EPM2A: variants seen among roughly 807,000 people sequenced by gnomAD.
The protein encoded by EPM2A is laforin.
In EPM2A, 21 loss-of-function variants were observed where a neutral mutation model predicts 26.5. The ratio of observed to expected loss-of-function variants is 0.79; its 90% CI spans 0.56 to 1.14. The LOEUF (loss-of-function observed/expected upper bound fraction) is 1.14, where lower values mean the gene tolerates loss of function less well. Ranked by LOEUF, EPM2A falls within the 50% of genes most tolerant of loss-of-function variation. The pLI is 0.00. For missense variants in EPM2A, 458 were observed against 440.8 expected, an observed-to-expected ratio of 1.04 and a Z score of -0.35; for synonymous variants, 217 against 177.6, an observed-to-expected ratio of 1.22 and a Z score of -1.76.
intron 4 of EPM2A, among the ~76,000 whole-genome samples, chr6:145,432,905 T>C (rs1044360165): frequency 7.2e-5 from 11 of 152,232 alleles, no homozygotes; most frequent in Non-Finnish European, 1.5e-4. Flanking sequence ...TGTACTTTCA[T>C]GTTACAGTGA....
intron 2 of EPM2A, among the ~76,000 whole-genome samples, chr6:145,550,296 AAC>A (rs887786155): frequency 2.6e-5 from 4 of 152,074 alleles, no homozygotes; most frequent in African/African-American, 9.7e-5. Context: ...ACGAGAGGGC[AAC>A]ACAACATCCC....
chr6:145,635,762 T>A (rs764195903), intron 2 of EPM2A: 76 of 408,276 alleles, frequency 1.9e-4, no homozygotes, highest in South Asian at 6.9e-4. Flanking sequence ...TCTACCAAGT[T>A]GTACTTATTC....
chr6:145,393,632 A>G (rs988173235), intron 4 of EPM2A, among the ~76,000 whole-genome samples: 3 of 152,030 alleles, frequency 2.0e-5, no homozygotes, highest in Non-Finnish European at 4.4e-5. Context: ...TCAAATAGAT[A>G]CTGGGGCCAC....
intron 2 of EPM2A, among the ~76,000 whole-genome samples, chr6:145,608,600 A>C (rs1281721466): frequency 1.5e-5 from 2 of 130,734 alleles, no homozygotes; most frequent in Admixed American, 1.5e-4. Flanking sequence ...GTGGTACTAA[A>C]GAAAAAAAAA....
intron 1 of EPM2A, among the ~76,000 whole-genome samples, chr6:145,728,935 C>T (rs1192043355): frequency 6.6e-6 from 1 of 152,178 alleles, no homozygotes; most frequent in Non-Finnish European, 1.5e-5. Context: ...GGCCTCACTA[C>T]CCTGTACAAC....
chr6:145,550,647 C>A, intron 2 of EPM2A, among the ~76,000 whole-genome samples: 1 of 152,014 alleles, frequency 6.6e-6, no homozygotes, highest in Non-Finnish European at 1.5e-5. Context: ...TTCTGCTATG[C>A]TGCTCCTGAA....
Position 145,665,919 on chromosome 6 carries a change from T to G in EPM2A, c.476+20203A>C, listed in dbSNP as rs372735526. Among the ~76,000 whole-genome samples the G allele has an allele frequency of 1.6e-3, 235 of 150,416 alleles. 1 individual carries two copies. The East Asian group carries it at 0.035, about 23-fold the overall frequency. ...ACAAAGCCAAAGACAAAAACCACAT[T>G]ATTATCTCAATAGATGCAGAAAAAG... On this transcript the variant is annotated intron_variant, in intron 2 of 3. Coordinates refer to ENST00000367519, the MANE Select transcript of EPM2A (RefSeq NM_005670.4).
chr6:145,603,834 A>G (rs1562399532), intron 2 of EPM2A, among the ~76,000 whole-genome samples: 1 of 152,174 alleles, frequency 6.6e-6, no homozygotes, highest in Non-Finnish European at 1.5e-5. Context: ...TCTGCCATGA[A>G]TCCCAAATGG....
chr6:145,445,849 T>C (rs1779121916), intron 4 of EPM2A, among the ~76,000 whole-genome samples: 2 of 152,328 alleles, frequency 1.3e-5, no homozygotes, highest in South Asian at 2.1e-4. Flanking sequence ...TATGTCTTCT[T>C]CCCTTCAATC....
At chr6:145,664,557 A>C (rs1481323454) in intron 2 of EPM2A, among the ~76,000 whole-genome samples, 1 of 148,514 alleles carries the variant, frequency 6.7e-6, no homozygotes, top group Non-Finnish European at 1.5e-5. Flanking sequence ...CCCACACATT[A>C]ATAATGGGAG....
intron 2 of EPM2A, among the ~76,000 whole-genome samples, chr6:145,531,176 G>A (rs1052142910): frequency 2.0e-5 from 3 of 152,202 alleles, no homozygotes; most frequent in Non-Finnish European, 4.4e-5. Flanking sequence ...CTGGCTGAAA[G>A]CAGCCTAATT....
At chr6:145,472,106 G>A (rs1422911716) in intron 4 of EPM2A, among the ~76,000 whole-genome samples, 1 of 151,452 alleles carries the variant, frequency 6.6e-6, no homozygotes, top group African/African-American at 2.4e-5. Context: ...TCAGAGTCAT[G>A]AGGCCCCCAT....
Position 145,626,779 on chromosome 6 carries a change from A to T in EPM2A, c.*637T>A. 1.0e-6 allele frequency: 1 copy of T among 980,746 alleles called. No individual in the cohort carries two copies. Among genetic ancestry groups the T allele is most frequent in the Non-Finnish European group, 1.2e-6 (1 of 830,268 alleles). 60.8% of individuals were successfully genotyped at this position (980,746 alleles called of 1,614,324 possible). A position where few individuals can be genotyped will look rare whatever the true frequency, so the allele number is the denominator to read the frequency against. ...GCTTTGTTTGGTAATTTTGAGGAAA[A>T]ACAACAACAAATGAGAGATAATTCT... On this transcript the variant is annotated 3_prime_UTR_variant, in exon 4 of 4. Coordinates refer to ENST00000367519, the MANE Select transcript of EPM2A (RefSeq NM_005670.4).
chr6:145,656,269 G>A (rs2128582963), intron 2 of EPM2A, among the ~76,000 whole-genome samples: 1 of 152,278 alleles, frequency 6.6e-6, no homozygotes, highest in Non-Finnish European at 1.5e-5. Context: ...AGAAGTCACA[G>A]GAAATACTGG....
rs1433126549 is a variant in EPM2A, at chr6:145,625,803, C to A, written c.*1613G>T. 5 of 1,525,144 alleles carry A rather than the reference C, an allele frequency of 3.3e-6. No homozygotes were observed. Among genetic ancestry groups the A allele is most frequent in the East Asian group, 2.3e-5 (1 of 42,712 alleles). 94.5% of individuals were successfully genotyped at this position (1,525,144 alleles called of 1,614,324 possible). A position where few individuals can be genotyped will look rare whatever the true frequency, so the allele number is the denominator to read the frequency against. ...TCCTCTGAGCTCCACTGAAACTTAC[C>A]TTGTATCCTTCTTGTCCCCCACGCC... is the stretch of plus-strand genomic sequence containing the variant. On this transcript the variant is annotated 3_prime_UTR_variant, in exon 4 of 4. Transcript: ENST00000367519.
chr6:145,484,958 T>C (rs141235728), intron 4 of EPM2A, among the ~76,000 whole-genome samples: 92 of 148,460 alleles, frequency 6.2e-4, no homozygotes, highest in African/African-American at 2.1e-3. Flanking sequence ...TATTTTGGTA[T>C]TCAGGTATAG....
At chr6:145,450,989 G>A (rs1208592921) in intron 4 of EPM2A, among the ~76,000 whole-genome samples, 1 of 151,916 alleles carries the variant, frequency 6.6e-6, no homozygotes, top group Admixed American at 6.6e-5. Flanking sequence ...GCCAATCTAT[G>A]GTTCCTCTGG....
chr6:145,633,337 TG>T (rs1776408005), intron 3 of EPM2A, among the ~76,000 whole-genome samples: 1 of 152,222 alleles, frequency 6.6e-6, no homozygotes, highest in South Asian at 2.1e-4. Context: ...TTCTCTGTTT[TG>T]AAACCAGGAA....
At chr6:145,615,986 C>A (rs919805894) in intron 2 of EPM2A, among the ~76,000 whole-genome samples, 1 of 152,160 alleles carries the variant, frequency 6.6e-6, no homozygotes, top group African/African-American at 2.4e-5. Context: ...AAGAAAATCC[C>A]ATTTTCTAAG....
Sources: allele counts gnomAD v4.1 joint callset (sites outside exome capture counted in the v4.1 genomes callset), GRCh38; gene constraint gnomAD v4.1.1; transcripts MANE v1.5; gene names NCBI Gene and HGNC (gene_info 2026-07-23, HGNC 2026-07-21).